The following DLGAP2 variants were observed in gnomAD, a reference collection of about 807,000 sequenced individuals.
The protein encoded by DLGAP2 is disks large-associated protein 2.
In DLGAP2, 26 loss-of-function variants were observed where a neutral mutation model predicts 100.3. The ratio of observed to expected loss-of-function variants is 0.26; its 90% CI spans 0.19 to 0.36. The LOEUF is 0.36. Among genes scored for constraint, DLGAP2 ranks in the 10% least tolerant of loss-of-function variants. The pLI is 1.00. For synonymous variants in DLGAP2, 886 were observed against 630.1 expected, an observed-to-expected ratio of 1.41 and a Z score of -6.08; for missense variants, 1,858 against 1,453.2, an observed-to-expected ratio of 1.28 and a Z score of -4.53.
At chr8:1,151,838 T>G (rs1012816097) in intron 2 of DLGAP2, among the ~76,000 whole-genome samples, 2 of 152,248 alleles carry the variant, frequency 1.3e-5, no homozygotes, top group Non-Finnish European at 2.9e-5. Flanking sequence ...TCTTTGGCTT[T>G]CTTTCTGGTT....
intron 3 of DLGAP2, among the ~76,000 whole-genome samples, chr8:1,265,230 C>T (rs1185080466): frequency 6.6e-6 from 1 of 151,702 alleles, no homozygotes; most frequent in Non-Finnish European, 1.5e-5. Flanking sequence ...GAAACAGGAG[C>T]CATAATGTAA....
intron 2 of DLGAP2, among the ~76,000 whole-genome samples, chr8:1,153,154 G>T (rs988490041): frequency 4.6e-5 from 7 of 152,052 alleles, no homozygotes; most frequent in Non-Finnish European, 1.0e-4. Context: ...CCTGCAAAGG[G>T]CCTGACCCCT....
chr8:1,067,097 C>A (rs1364848836), intron 2 of DLGAP2, among the ~76,000 whole-genome samples: 1 of 152,142 alleles, frequency 6.6e-6, no homozygotes, highest in Non-Finnish European at 1.5e-5. Context: ...GGGTGGGTGG[C>A]TCTGACCCAG....
chr8:1,429,613 C>G (rs1198498447), intron 3 of DLGAP2, among the ~76,000 whole-genome samples: 6 of 152,050 alleles, frequency 3.9e-5, no homozygotes, highest in African/African-American at 1.4e-4. Flanking sequence ...CAGTCATCCA[C>G]AGCCACTGAG....
At chr8:1,377,671 C>T (rs1301508175) in intron 3 of DLGAP2, among the ~76,000 whole-genome samples, 1 of 152,236 alleles carries the variant, frequency 6.6e-6, no homozygotes, top group African/African-American at 2.4e-5. Context: ...TGAGGAGGGC[C>T]TTGCCAGCGT....
At chr8:1,221,622 C>T (rs1798316191) in intron 2 of DLGAP2, among the ~76,000 whole-genome samples, 1 of 152,082 alleles carries the variant, frequency 6.6e-6, no homozygotes, top group South Asian at 2.1e-4. Flanking sequence ...TCTGAATTTC[C>T]TGAATTTTCA....
At chr8:1,618,855 C>G (rs2469741) in intron 6 of DLGAP2, among the ~76,000 whole-genome samples, 3 of 152,162 alleles carry the variant, frequency 2.0e-5, no homozygotes, top group Admixed American at 6.5e-5. Context: ...CATGGCATCT[C>G]TGGCACCTGT....
At chr8:1,614,445 C>A (rs1250293875) in intron 6 of DLGAP2, among the ~76,000 whole-genome samples, 1 of 152,216 alleles carries the variant, frequency 6.6e-6, no homozygotes, top group Non-Finnish European at 1.5e-5. Context: ...CCACAGACAC[C>A]CGGCGGACTG....
intron 2 of DLGAP2, among the ~76,000 whole-genome samples, chr8:1,115,092 C>A (rs1805075828): frequency 6.6e-6 from 1 of 152,096 alleles, no homozygotes; most frequent in Non-Finnish European, 1.5e-5. Context: ...TAGCATTTGC[C>A]TGAGGATTAT....
chr8:810,713 G>A (rs1333102268), intron 1 of DLGAP2, among the ~76,000 whole-genome samples: 2 of 152,190 alleles, frequency 1.3e-5, no homozygotes, highest in Admixed American at 6.5e-5. Context: ...AACAGAGGAG[G>A]AAGAAAAATA....
chr8:1,368,180 GTA>G (rs1802151663), intron 3 of DLGAP2, among the ~76,000 whole-genome samples: 1 of 152,096 alleles, frequency 6.6e-6, no homozygotes, highest in East Asian at 1.9e-4. Context: ...ATGTGTGTGT[GTA>G]TGTGCACGTG....
intron 3 of DLGAP2, among the ~76,000 whole-genome samples, chr8:1,273,165 G>T (rs1186529184): frequency 1.3e-5 from 2 of 152,192 alleles, no homozygotes; most frequent in Non-Finnish European, 2.9e-5. Flanking sequence ...GAAGGTGTTT[G>T]TCTGAGTGGA....
intron 3 of DLGAP2, 34 bp downstream of exon 3, chr8:1,258,917 G>A: frequency 8.1e-7 from 1 of 1,231,644 alleles, no homozygotes; most frequent in Non-Finnish European, 1.0e-6. Flanking sequence ...GGGTGGGCGG[G>A]GGCCGCGCGG....
chr8:975,743 G>A (rs1800145825), intron 2 of DLGAP2, among the ~76,000 whole-genome samples: 1 of 152,142 alleles, frequency 6.6e-6, no homozygotes, highest in African/African-American at 2.4e-5. Flanking sequence ...ACTTGATAAG[G>A]AATATTTACA....
chr8:1,422,200 G>T (rs919635443), intron 3 of DLGAP2, among the ~76,000 whole-genome samples: 3 of 152,164 alleles, frequency 2.0e-5, no homozygotes, highest in Non-Finnish European at 1.5e-5. Context: ...CGCTAGGAGA[G>T]AAAGACACAG....
chr8:1,267,570 A>ATAATAAAATAAAATAT (rs61038728), intron 3 of DLGAP2, among the ~76,000 whole-genome samples: 1 of 99,938 alleles, frequency 1.0e-5, no homozygotes, highest in Non-Finnish European at 2.1e-5. Flanking sequence ...AAATAAAATA[A>ATAATAAAATAAAATAT]AATAAAATAA....
intron 1 of DLGAP2, among the ~76,000 whole-genome samples, chr8:904,077 C>T (rs531546313): frequency 2.6e-5 from 4 of 152,290 alleles, no homozygotes; most frequent in East Asian, 3.9e-4. Flanking sequence ...TAGCTGGGGC[C>T]GAGTTTCTTC....
At chr8:850,677 T>C (rs1431322425) in intron 1 of DLGAP2, among the ~76,000 whole-genome samples, 10 of 152,210 alleles carry the variant, frequency 6.6e-5, no homozygotes, top group Non-Finnish European at 7.3e-5. Context: ...TATGCATTAT[T>C]GGCCTTTATG....
At chr8:1,313,316 T>C (rs1401852232) in intron 3 of DLGAP2, among the ~76,000 whole-genome samples, 4 of 152,228 alleles carry the variant, frequency 2.6e-5, no homozygotes, top group Non-Finnish European at 5.9e-5. Flanking sequence ...ACAGTTAGAA[T>C]GTAAAACTTG....
Sources: allele counts gnomAD v4.1 joint callset (sites outside exome capture counted in the v4.1 genomes callset), GRCh38; gene constraint gnomAD v4.1.1; transcripts MANE v1.5; gene names NCBI Gene and HGNC (gene_info 2026-07-23, HGNC 2026-07-21).